The following C14orf93 variants were observed in gnomAD, a reference collection of about 807,000 sequenced individuals.
C14orf93 encodes the protein chromosome 14 open reading frame 93.
C14orf93 carries 23 observed loss-of-function variants against 44.0 expected under a neutral mutation model. The ratio of observed to expected loss-of-function variants is 0.52; its 90% CI spans 0.38 to 0.74. The LOEUF (loss-of-function observed/expected upper bound fraction) is 0.74, where lower values mean the gene tolerates loss of function less well. C14orf93 is among the 30% of genes least tolerant of loss of function. C14orf93 has a pLI of 0.00. For missense variants in C14orf93, 579 were observed against 678.9 expected (o/e 0.85, Z 1.64); for synonymous variants, 253 against 265.7 (o/e 0.95, Z 0.46).
At chr14:23,002,583 A>C (rs976001398) in intron 1 of C14orf93, 4 of 152,178 alleles carry the variant, frequency 2.6e-5, no homozygotes, top group Non-Finnish European at 5.9e-5. Context: ...GTTTTTGTGA[A>C]GATTATACAT....
Position 22,987,850 on chromosome 14 carries a change from C to A in C14orf93, c.1197+53G>T. 1 of 1,451,316 alleles carries A rather than the reference C, an allele frequency of 6.9e-7. No individual in the cohort carries two copies. The highest frequency in any genetic ancestry group is 1.8e-5 in the Admixed American group (1 of 56,554). 89.9% of individuals were successfully genotyped at this position (1,451,316 alleles called of 1,614,324 possible). ...ATGCCATGTCCTCTGGCCCTTCCCA[C>A]TTAGGAAAGGGTTTAGAGTTTAGTA... On this transcript the variant is annotated intron_variant, in intron 6 of 6. Coordinates refer to ENST00000299088, the MANE Select transcript of C14orf93 (RefSeq NM_021944.4). This position sits in a 1 kb window ranked among gnomAD's most constrained non-coding sequence, Gnocchi z 5.6.
In C14orf93 at chr14:22,986,805, AAGT is replaced by A. The variant is rs1465671094; in HGVS notation, c.*407_*409del. On this transcript the variant is annotated 3_prime_UTR_variant, in exon 7 of 7. Transcript: ENST00000299088. ...TTCGGTTTCCACTGCAGAGCAAGAC[AAGT>A]AGTCACAGGGAAGCAAAAGGTACAA... 9.4e-6 allele frequency: 2 copies of A among 213,368 alleles called. No individual in the cohort carries two copies. The highest frequency in any genetic ancestry group is 4.6e-5 in the African/African-American group (2 of 43,254). 13.2% of individuals were successfully genotyped at this position (213,368 alleles called of 1,614,324 possible).
At chr14:23,004,777 G>A (rs867123410) in intron 1 of C14orf93, among the ~76,000 whole-genome samples, 3 of 152,182 alleles carry the variant, frequency 2.0e-5, no homozygotes, top group African/African-American at 7.2e-5. Context: ...AATTAGCTGG[G>A]TGTGGTGGCA....
rs971597688 is a variant in C14orf93 at position 23,010,139 on chromosome 14, A to G, written c.-418T>C. 6.6e-6 allele frequency: 1 copy of G among 152,078 alleles called. No homozygotes were observed. Among genetic ancestry groups the G allele is most frequent in the Non-Finnish European group, 1.5e-5 (1 of 67,980 alleles). The allele number at this position is 152,078 out of a possible 1,614,324, so 9.4% of individuals were successfully genotyped here. On this transcript the variant is annotated 5_prime_UTR_variant, in exon 1 of 7. Coordinates refer to ENST00000299088, the MANE Select transcript of C14orf93 (RefSeq NM_021944.4). Reference sequence around the variant, plus strand: ...GGCTCTTTGTATTCGTGTGTGTGCAAAAAGGAGGACTCGCGGAGCCCGAGC... The same window carrying G: ...GGCTCTTTGTATTCGTGTGTGTGCAGAAAGGAGGACTCGCGGAGCCCGAGC...
intron 1 of C14orf93, among the ~76,000 whole-genome samples, chr14:23,004,061 C>T (rs569041274): frequency 6.8e-6 from 1 of 146,496 alleles, no homozygotes; most frequent in Non-Finnish European, 1.5e-5. Flanking sequence ...AGGCATGTGC[C>T]ACCACTCCCA....
chr14:22,990,424 A>G (rs2045529334), intron 3 of C14orf93, among the ~76,000 whole-genome samples: 1 of 152,094 alleles, frequency 6.6e-6, no homozygotes, highest in South Asian at 2.1e-4. Context: ...CGAGAAAGCA[A>G]GTATACACCA....
rs774833952 is a variant in C14orf93 at position 22,987,416 on chromosome 14, C to T, written c.1416G>A (p.Val472=). 1.4e-5 allele frequency: 23 copies of T among 1,614,244 alleles called. No individual in the cohort carries two copies. Among genetic ancestry groups the T allele is most frequent in the South Asian group, 5.5e-5 (5 of 91,090 alleles). Residue 472 remains valine (V), a synonymous_variant, in exon 7 of 7, where the codon GTG becomes GTA. Transcript: ENST00000299088. The surrounding 1 kb of genome is among the most constrained non-coding windows in gnomAD (Gnocchi z 5.6). ...NSKHGTKANR[V]YGPPSDRLPS... is the part of the protein sequence containing the mutation. ...GCAGTCTGTCTGAGGGAGGCCCATA[C>T]ACACGGTTGGCTTTGGTGCCATGCT...
At chr14:23,008,911 T>G (rs2046761324) in intron 1 of C14orf93, among the ~76,000 whole-genome samples, 1 of 152,236 alleles carries the variant, frequency 6.6e-6, no homozygotes, top group South Asian at 2.1e-4. Flanking sequence ...CTTGACTGGA[T>G]TTTTTTCCTG....
intron 3 of C14orf93, among the ~76,000 whole-genome samples, chr14:22,992,335 G>T (rs915691623): frequency 9.2e-5 from 14 of 151,608 alleles, no homozygotes; most frequent in African/African-American, 3.4e-4. Context: ...GCGTGGTGGC[G>T]TGCGACTGTA....
At position 22,998,985 on chromosome 14, in the gene C14orf93, A is replaced by T; in HGVS notation, c.39T>A (p.Ser13Arg). The T allele has an allele frequency of 1.2e-6, 2 of 1,613,196 alleles. No homozygotes were observed. The highest frequency in any genetic ancestry group is 2.2e-5 in the South Asian group (2 of 91,080). ...AGCAGCAGCATCTGGCCTCGCTGCCACTGGGAGGGGAGAAGAGAATGGTGG... is the reference window on the plus strand; with the variant it reads ...AGCAGCAGCATCTGGCCTCGCTGCCTCTGGGAGGGGAGAAGAGAATGGTGG... ...FSATILFSPPSGSEARCCCCA... is the reference protein window; with the variant it reads ...FSATILFSPPRGSEARCCCCA... The change falls in exon 2 of 7, where the codon AGT (serine) becomes AGA (arginine). Residue 13 changes from serine (S) to arginine (R), a missense_variant. Ser to Arg is a moderately radical substitution (Grantham distance 110). Coordinates refer to ENST00000299088, the MANE Select transcript of C14orf93 (RefSeq NM_021944.4).
chr14:22,992,470 A>G (rs1487914039), intron 3 of C14orf93, among the ~76,000 whole-genome samples: 1 of 151,166 alleles, frequency 6.6e-6, no homozygotes, highest in Non-Finnish European at 1.5e-5. Flanking sequence ...TGTTTCAAAA[A>G]AAAAAAAAAA....
At chr14:22,991,538 C>T (rs1220461258) in intron 3 of C14orf93, among the ~76,000 whole-genome samples, 1 of 151,582 alleles carries the variant, frequency 6.6e-6, no homozygotes, top group Non-Finnish European at 1.5e-5. Flanking sequence ...AGCCACCGCA[C>T]CGGGCCTGTT....
At chr14:23,009,073 CAATA>C (rs1443626555) in intron 1 of C14orf93, among the ~76,000 whole-genome samples, 1 of 152,150 alleles carries the variant, frequency 6.6e-6, no homozygotes, top group Non-Finnish European at 1.5e-5. Context: ...GAACGTGAGA[CAATA>C]AAAAGCAAAA....
At chr14:22,989,932 G>T in intron 4 of C14orf93, 87 bp from the exon 5 acceptor site, 1 of 1,457,664 alleles carries the variant, frequency 6.9e-7, no homozygotes, top group Non-Finnish European at 9.6e-7. Context: ...CAACTTTGTG[G>T]CAAATCCCTC....
rs151080392 is a variant in C14orf93, at chr14:22,996,326, AC to A, written c.598-59del. ...AGCCAGGCTTAGGGGAACCTGGTTA[AC>A]CATCATTCTTTGGCTAAGAATAGTG... On this transcript the variant is annotated intron_variant, in intron 2 of 6. Coordinates refer to ENST00000299088, the MANE Select transcript of C14orf93 (RefSeq NM_021944.4). This position sits in a 1 kb window ranked among gnomAD's most constrained non-coding sequence, Gnocchi z 4.1. 4,904 of 1,474,686 alleles carry A rather than the reference AC, an allele frequency of 3.3e-3. 7 individuals carry two copies. The highest frequency in any genetic ancestry group is 3.5e-3 in the Non-Finnish European group (3,852 of 1,098,568). The allele number at this position is 1,474,686 out of a possible 1,614,324, so 91.4% of individuals were successfully genotyped here.
At position 22,986,933 on chromosome 14, in the gene C14orf93, ATCC is replaced by A. The variant is rs2045256244; in HGVS notation, c.*279_*281del. On this transcript the variant is annotated 3_prime_UTR_variant, in exon 7 of 7. Coordinates refer to ENST00000299088, the MANE Select transcript of C14orf93 (RefSeq NM_021944.4). ...AGAAGGCCTCATGTTTCTTGGACCC[ATCC>A]TCCTCATTTTCTCATCCCAGGCTTC... 3 of 450,572 alleles carry A rather than the reference ATCC, an allele frequency of 6.7e-6. No homozygotes were observed. Among genetic ancestry groups the A allele is most frequent in the Non-Finnish European group, 8.0e-6 (2 of 249,960 alleles). The allele number at this position is 450,572 out of a possible 1,614,324, so 27.9% of individuals were successfully genotyped here.
At chr14:23,007,321 G>A (rs1227420952) in intron 1 of C14orf93, among the ~76,000 whole-genome samples, 2 of 152,226 alleles carry the variant, frequency 1.3e-5, no homozygotes, top group African/African-American at 2.4e-5. Context: ...AGACTGTGAG[G>A]CTTTTTCAAG....
In C14orf93 at chr14:22,987,539, C is replaced by T. The variant is rs769037873; in HGVS notation, c.1293G>A (p.Glu431=). ...ACACACCTGGCTCGTTAAGACTGTC[C>T]TCTTCATCTGACATCAGTTCCTCTG... The part of the protein sequence containing the change: ...DVTEELMSDE[E]DSLNEPGVWV... The change falls in exon 7 of 7, where the codon GAG becomes GAA. Residue 431 remains glutamate, a synonymous_variant. Transcript: ENST00000299088. The surrounding 1 kb of genome is among the most constrained non-coding windows in gnomAD (Gnocchi z 5.6). 3.7e-6 allele frequency: 6 copies of T among 1,614,238 alleles called. No homozygotes were observed. Among genetic ancestry groups the T allele is most frequent in the South Asian group, 2.2e-5 (2 of 91,090 alleles).
chr14:22,993,126 C>T (rs2045763306), intron 3 of C14orf93, among the ~76,000 whole-genome samples: 2 of 152,350 alleles, frequency 1.3e-5, no homozygotes, highest in South Asian at 2.1e-4. Context: ...GTGATCTGCC[C>T]GCCTTGGCCT....
Sources: allele counts gnomAD v4.1 joint callset (sites outside exome capture counted in the v4.1 genomes callset), GRCh38; gene constraint gnomAD v4.1.1; non-coding constraint Gnocchi (gnomAD v3.1); transcripts MANE v1.5; gene names NCBI Gene and HGNC (gene_info 2026-07-23, HGNC 2026-07-21).